Variants in PATJ observed in about 807,000 individuals in gnomAD.
The protein encoded by PATJ is inaD-like protein.
A neutral mutation model predicts 224.9 loss-of-function variants in PATJ; 190 were observed. The observed-to-expected ratio is 0.84, with a 90% confidence interval of 0.75 to 0.95. The LOEUF (loss-of-function observed/expected upper bound fraction) is 0.95. PATJ is among the 40% of genes least tolerant of loss of function. The pLI is 0.00. For missense variants in PATJ, 2,121 were observed against 2,270.3 expected (o/e 0.93, Z 1.34); for synonymous variants, 769 against 820.3 (o/e 0.94, Z 1.07).
At chr1:62,030,399 T>C (rs2148470272) in intron 29 of PATJ, among the ~76,000 whole-genome samples, 1 of 152,338 alleles carries the variant, frequency 6.6e-6, no homozygotes, top group African/African-American at 2.4e-5. Flanking sequence ...AGTTGTTTTG[T>C]ATCTTATTTA....
intron 5 of PATJ, 59 bp from the exon 6 acceptor site, chr1:61,771,372 G>C (rs1476226685): frequency 2.7e-6 from 3 of 1,110,354 alleles, no homozygotes; most frequent in African/African-American, 1.6e-5. Flanking sequence ...AACTTTAATA[G>C]ATTTTTAAAA....
At chr1:61,783,735 A>T (rs1647885656) in intron 7 of PATJ, among the ~76,000 whole-genome samples, 1 of 142,208 alleles carries the variant, frequency 7.0e-6, no homozygotes, top group South Asian at 2.2e-4. Context: ...TTTTTAGCCC[A>T]GAGTTGCTAC....
intron 41 of PATJ, among the ~76,000 whole-genome samples, chr1:62,136,648 CGTGTGTGTGTGTGTGTCTGTGTGTGT>C (rs1473813112): frequency 5.6e-5 from 4 of 71,234 alleles, no homozygotes; most frequent in Admixed American, 1.9e-4. Flanking sequence ...TTATGTTTTG[CGTGTGTGTGTGTGTGTCTGTGTGTGT>C]GTGTGTGTGT....
At chr1:61,806,150 C>T (rs894858507) in intron 13 of PATJ, among the ~76,000 whole-genome samples, 1 of 152,156 alleles carries the variant, frequency 6.6e-6, no homozygotes, top group Non-Finnish European at 1.5e-5. Context: ...AGACAAGCCT[C>T]TACAGTGTTC....
At chr1:61,789,610 C>T (rs1033015453) in intron 8 of PATJ, among the ~76,000 whole-genome samples, 6 of 151,166 alleles carry the variant, frequency 4.0e-5, no homozygotes, top group East Asian at 2.0e-4. Context: ...GCCAGGAGTT[C>T]GAGACCAGCC....
At chr1:62,032,782 G>T (rs1161608499) in intron 29 of PATJ, among the ~76,000 whole-genome samples, 1 of 152,174 alleles carries the variant, frequency 6.6e-6, no homozygotes, top group East Asian at 1.9e-4. Context: ...TGAAAATACT[G>T]AGACTGGGTA....
At chr1:62,151,584 C>A (rs758939411) in intron 42 of PATJ, among the ~76,000 whole-genome samples, 4 of 152,048 alleles carry the variant, frequency 2.6e-5, no homozygotes, top group Non-Finnish European at 5.9e-5. Flanking sequence ...GAGCGAGACT[C>A]CGTCTCAAAA....
At chr1:62,142,935 G>T (rs1667648280) in intron 41 of PATJ, among the ~76,000 whole-genome samples, 1 of 152,158 alleles carries the variant, frequency 6.6e-6, no homozygotes, top group African/African-American at 2.4e-5. Flanking sequence ...TTAAGCAGGG[G>T]AGTGCGGATA....
chr1:62,070,778 C>A (rs985556756), intron 31 of PATJ, among the ~76,000 whole-genome samples: 3 of 152,068 alleles, frequency 2.0e-5, no homozygotes, highest in African/African-American at 7.2e-5. Flanking sequence ...GTCTGGCCCC[C>A]CAAAAATCAG....
chr1:61,938,685 G>C (rs1338669834), intron 27 of PATJ, among the ~76,000 whole-genome samples: 1 of 151,912 alleles, frequency 6.6e-6, no homozygotes, highest in Non-Finnish European at 1.5e-5. Flanking sequence ...CCTCATCTCT[G>C]TTAAAAATAA....
intron 21 of PATJ, among the ~76,000 whole-genome samples, chr1:61,876,156 C>T (rs1198492883): frequency 6.6e-6 from 1 of 151,848 alleles, no homozygotes; most frequent in Non-Finnish European, 1.5e-5. Flanking sequence ...GATTAGGATT[C>T]TATTAAGTAA....
intron 7 of PATJ, among the ~76,000 whole-genome samples, chr1:61,780,653 G>GT (rs1647199480): frequency 6.8e-6 from 1 of 147,316 alleles, no homozygotes; most frequent in Non-Finnish European, 1.5e-5. Context: ...GTTTGTTGGA[G>GT]TGGCATTTTT....
intron 27 of PATJ, among the ~76,000 whole-genome samples, chr1:61,985,089 G>A (rs1474088673): frequency 3.9e-5 from 6 of 151,986 alleles, no homozygotes; most frequent in South Asian, 2.1e-4. Flanking sequence ...CGTTGTGGGC[G>A]GATCACAAGG....
At chr1:61,797,479 G>A (rs541063099) in intron 11 of PATJ, 51 bp downstream of exon 11, 1 of 1,511,220 alleles carries the variant, frequency 6.6e-7, no homozygotes, top group South Asian at 1.2e-5. Context: ...ATTTGGAAGA[G>A]CAGTTCAATT....
chr1:62,028,549 TG>T (rs2148458325), intron 29 of PATJ, among the ~76,000 whole-genome samples: 1 of 152,002 alleles, frequency 6.6e-6, no homozygotes, highest in South Asian at 2.1e-4. Flanking sequence ...GAGGCTGAGG[TG>T]GGAGGATTGC....
At chr1:61,810,199 G>A (rs1654432648) in intron 14 of PATJ, among the ~76,000 whole-genome samples, 1 of 152,024 alleles carries the variant, frequency 6.6e-6, no homozygotes, top group African/African-American at 2.4e-5. Context: ...TCCCTTCCCA[G>A]TTTACCTGCA....
At chr1:61,993,705 GT>G (rs747816109) in intron 28 of PATJ, among the ~76,000 whole-genome samples, 28 of 152,104 alleles carry the variant, frequency 1.8e-4, no homozygotes, top group Non-Finnish European at 1.5e-5. Context: ...AATTCCAAGG[GT>G]TTTAGGAGCT....
At chr1:61,895,053 T>G (rs1402768894) in intron 22 of PATJ, among the ~76,000 whole-genome samples, 2 of 152,144 alleles carry the variant, frequency 1.3e-5, no homozygotes, top group African/African-American at 4.8e-5. Context: ...ACTTTGAACT[T>G]GAGAGAGATG....
intron 16 of PATJ, among the ~76,000 whole-genome samples, chr1:61,832,128 T>C (rs955485979): frequency 6.6e-6 from 1 of 150,816 alleles, no homozygotes; most frequent in African/African-American, 2.5e-5. Context: ...AAACATTGAG[T>C]ACACATGGAC....
Sources: allele counts gnomAD v4.1 joint callset (sites outside exome capture counted in the v4.1 genomes callset), GRCh38; gene constraint gnomAD v4.1.1; transcripts MANE v1.5; gene names NCBI Gene and HGNC (gene_info 2026-07-23, HGNC 2026-07-21).